STARD7: variants seen among roughly 807,000 people sequenced by gnomAD.
STARD7 encodes the protein stAR-related lipid transfer protein 7, mitochondrial.
A neutral mutation model predicts 45.3 loss-of-function variants in STARD7; 30 were observed. The observed-to-expected ratio is 0.66, with a 90% confidence interval of 0.50 to 0.90. The LOEUF is 0.90. Ranked by LOEUF, STARD7 falls within the 40% of genes least tolerant of loss-of-function variation. The probability of loss-of-function intolerance (pLI) is 0.00; values close to 1 mark genes in which losing one functional copy is unlikely to be tolerated. For missense variants in STARD7, 495 were observed against 491.3 expected (o/e 1.01, Z -0.07); for synonymous variants, 199 against 183.0 (o/e 1.09, Z -0.70).
chr2:96,187,450 GC>G, intron 6 of STARD7, 149 bp from the exon 7 acceptor site: 1 of 585,374 alleles, frequency 1.7e-6, no homozygotes, highest in East Asian at 2.9e-5. Flanking sequence ...AACACTGAAG[GC>G]CTGAGAGACT....
intron 3 of STARD7, among the ~76,000 whole-genome samples, chr2:96,194,233 A>G (rs1371018434): frequency 1.3e-5 from 2 of 152,148 alleles, no homozygotes; most frequent in African/African-American, 2.4e-5. Context: ...GTGGTGGCGC[A>G]TGCCTGTAGG....
Position 96,193,144 on chromosome 2 carries a change from C to T in STARD7, c.677G>A (p.Arg226Gln), listed in dbSNP as rs1240197834. 5 of 1,612,466 alleles carry T rather than the reference C, an allele frequency of 3.1e-6. No individual in the cohort carries two copies. The highest frequency in any genetic ancestry group is 2.2e-5 in the East Asian group (1 of 44,884). ...VTHFPYPMYSRDYVYVRRYSV... is the reference protein window; with the variant it reads ...VTHFPYPMYSQDYVYVRRYSV... ...ATACCGCCGAACATAAACATAATCCCGTGAGTACATTGGATACTAAAGAAA... is the reference window on the plus strand; with the variant it reads ...ATACCGCCGAACATAAACATAATCCTGTGAGTACATTGGATACTAAAGAAA... Residue 226 changes from arginine to glutamine, a missense_variant, in exon 5 of 8, where the codon CGG (arginine) becomes CAG (glutamine). Physicochemically the swap from Arg to Gln is conservative, Grantham distance 43. Coordinates refer to ENST00000337288, the MANE Select transcript of STARD7 (RefSeq NM_020151.4).
At position 96,204,749 on chromosome 2, in the gene STARD7, C is replaced by CAAA. The variant is rs397959036; in HGVS notation, c.290+3393_290+3395dup. On this transcript the variant is annotated intron_variant, in intron 1 of 7. Transcript: ENST00000337288. ...TAAGATACCCTGAAGTGACAATGGC[C>CAAA]AAAAAAAAAAAAAAAAGTTCCTTTA... Among the ~76,000 whole-genome samples, 515 of 96,136 alleles carry CAAA rather than the reference C, an allele frequency of 5.4e-3. 8 individuals carry two copies. The highest frequency in any genetic ancestry group is 0.019 in the African/African-American group (490 of 25,666). The allele number at this position is 96,136 out of a possible 152,430, so 63.1% of individuals were successfully genotyped here.
At chr2:96,195,880 A>T (rs1260702386) in intron 1 of STARD7, among the ~76,000 whole-genome samples, 1 of 152,090 alleles carries the variant, frequency 6.6e-6, no homozygotes, top group African/African-American at 2.4e-5. Flanking sequence ...ACTGGGAGGC[A>T]GAAGAGGGTG....
chr2:96,187,408 A>G lies in STARD7; in HGVS notation c.844-107T>C, dbSNP rs1268399987. 8.3e-6 allele frequency: 6 copies of G among 725,312 alleles called. No homozygotes were observed. The East Asian group carries it at 1.6e-4, about 20-fold the overall frequency. 44.9% of individuals were successfully genotyped at this position (725,312 alleles called of 1,614,324 possible). On this transcript the variant is annotated intron_variant, in intron 6 of 7. Transcript: ENST00000337288. ...ATCTGATTCTGGAGCAGGGAGTGTC[A>G]TTTCTTTTTTCACCCTGTGCAGAAA...
intron 6 of STARD7, among the ~76,000 whole-genome samples, chr2:96,188,857 G>A (rs571688032): frequency 1.3e-4 from 20 of 152,026 alleles, no homozygotes; most frequent in Admixed American, 3.9e-4. Flanking sequence ...TCACGCCATC[G>A]CACTCCAGCC....
At chr2:96,197,123 A>ACATAAACATAACAT (rs1343316273) in intron 1 of STARD7, among the ~76,000 whole-genome samples, 1 of 147,160 alleles carries the variant, frequency 6.8e-6, no homozygotes, top group Non-Finnish European at 1.5e-5. Context: ...AAATAAAATA[A>ACATAAACATAACAT]AGCCAAGCAC....
At chr2:96,192,920 G>A (rs1683147502) in intron 5 of STARD7, among the ~76,000 whole-genome samples, 158 bp downstream of exon 5, 1 of 152,168 alleles carries the variant, frequency 6.6e-6, no homozygotes, top group Admixed American at 6.5e-5. Context: ...TTTCTAGACA[G>A]TCAGAGTCCC....
intron 1 of STARD7, among the ~76,000 whole-genome samples, chr2:96,203,333 C>A (rs1683335250): frequency 6.6e-6 from 1 of 152,178 alleles, no homozygotes; most frequent in South Asian, 2.1e-4. Flanking sequence ...GTAAAATCAG[C>A]AGATTAGAAA....
Position 96,194,965 on chromosome 2 carries a change from T to A in STARD7, c.542A>T (p.Asn181Ile). The A allele has an allele frequency of 1.9e-6, 3 of 1,610,060 alleles. No homozygotes were observed. Among genetic ancestry groups the A allele is most frequent in the Non-Finnish European group, 1.7e-6 (2 of 1,178,210 alleles). Residue 181 changes from asparagine (N) to isoleucine (I), a missense_variant, in exon 3 of 8, where the codon AAT becomes ATT. Transcript: ENST00000337288. ...YTDVTPRQFF[N>I]VQLDTEYRKK... ...AGAGAAAAATTAACTCACCTGAACA[T>A]TGAAGAACTGCCGAGGTGTCACATC...
intron 3 of STARD7, among the ~76,000 whole-genome samples, chr2:96,194,052 T>C (rs1327075818): frequency 6.6e-6 from 1 of 152,218 alleles, no homozygotes; most frequent in Non-Finnish European, 1.5e-5. Flanking sequence ...GAACAGATAC[T>C]CTTCATCTTT....
chr2:96,206,725 C>T (rs536067333), intron 1 of STARD7, among the ~76,000 whole-genome samples: 1 of 140,288 alleles, frequency 7.1e-6, no homozygotes, highest in East Asian at 2.2e-4. Flanking sequence ...GGCGTGAACC[C>T]GGGAGGCGGA....
At chr2:96,197,070 A>AAACTAAAC in intron 1 of STARD7, among the ~76,000 whole-genome samples, 1 of 96,408 alleles carries the variant, frequency 1.0e-5, no homozygotes, top group Non-Finnish European at 2.0e-5. Flanking sequence ...CCGTCTCAAA[A>AAACTAAAC]TAAAATAAAA....
intron 1 of STARD7, among the ~76,000 whole-genome samples, chr2:96,206,960 A>C (rs1419990137): frequency 2.6e-5 from 4 of 152,222 alleles, no homozygotes. Flanking sequence ...CAAGTAGCAA[A>C]AGAATACTAA....
intron 6 of STARD7, among the ~76,000 whole-genome samples, chr2:96,190,384 G>A (rs914025458): frequency 2.7e-5 from 4 of 146,236 alleles, no homozygotes; most frequent in African/African-American, 1.0e-4. Context: ...CGCCCACGCT[G>A]GGGTGCAGCG....
intron 1 of STARD7, among the ~76,000 whole-genome samples, chr2:96,197,123 A>AACTAAACTAAACT (rs1683234024): frequency 2.7e-5 from 4 of 147,260 alleles, no homozygotes; most frequent in South Asian, 2.2e-4. Context: ...AAATAAAATA[A>AACTAAACTAAACT]AGCCAAGCAC....
chr2:96,207,425 C>T (rs1263153314), intron 1 of STARD7, among the ~76,000 whole-genome samples: 2 of 152,198 alleles, frequency 1.3e-5, no homozygotes, highest in African/African-American at 2.4e-5. Context: ...AAAACCAAAG[C>T]AAAGTTTCCC....
At chr2:96,189,565 C>T (rs1389011250) in intron 6 of STARD7, among the ~76,000 whole-genome samples, 1 of 151,894 alleles carries the variant, frequency 6.6e-6, no homozygotes, top group East Asian at 1.9e-4. Context: ...ATTAGCTAGG[C>T]GTGGTGGTGC....
At chr2:96,198,112 T>C (rs1009965173) in intron 1 of STARD7, among the ~76,000 whole-genome samples, 4 of 151,990 alleles carry the variant, frequency 2.6e-5, no homozygotes, top group African/African-American at 9.7e-5. Context: ...CACTCTGAGG[T>C]TGAGTTCGAG....
Sources: allele counts gnomAD v4.1 joint callset (sites outside exome capture counted in the v4.1 genomes callset), GRCh38; gene constraint gnomAD v4.1.1; transcripts MANE v1.5; gene names NCBI Gene and HGNC (gene_info 2026-07-23, HGNC 2026-07-21).